HHLA1: variants seen among roughly 807,000 people sequenced by gnomAD.
HHLA1 encodes HHLA1 neighbor of OC90.
A neutral mutation model predicts 69.9 loss-of-function variants in HHLA1; 72 were observed. The ratio of observed to expected loss-of-function variants is 1.03; its 90% CI spans 0.85 to 1.25. HHLA1 has a LOEUF of 1.25. Ranked by LOEUF, HHLA1 falls within the 50% of genes most tolerant of loss-of-function variation. The pLI is 0.00. For missense variants in HHLA1, 685 were observed against 642.2 expected, an observed-to-expected ratio of 1.07 and a Z score of -0.72; for synonymous variants, 252 against 233.2, an observed-to-expected ratio of 1.08 and a Z score of -0.73.
At chr8:132,078,173 CACA>C (rs1823679914) in intron 11 of HHLA1, among the ~76,000 whole-genome samples, 2 of 54,094 alleles carry the variant, frequency 3.7e-5, no homozygotes, top group Non-Finnish European at 5.7e-5. Flanking sequence ...CACCAATAAA[CACA>C]CACACACACA....
chr8:132,100,584 T>A (rs1824095751), intron 3 of HHLA1, among the ~76,000 whole-genome samples: 1 of 152,176 alleles, frequency 6.6e-6, no homozygotes, highest in Non-Finnish European at 1.5e-5. Flanking sequence ...AAAGAAAAAT[T>A]TGAAATTTCA....
chr8:132,076,448 C>T (rs756028931), intron 13 of HHLA1, 27 bp downstream of exon 13: 219 of 628,116 alleles, frequency 3.5e-4, no homozygotes, highest in Non-Finnish European at 5.1e-4. Context: ...CACCCCCAAA[C>T]CCCCACTTCC....
chr8:132,081,568 G>C (rs180906026), intron 10 of HHLA1, among the ~76,000 whole-genome samples: 175 of 152,344 alleles, frequency 1.1e-3, no homozygotes, highest in Non-Finnish European at 1.6e-3. Flanking sequence ...TCTGTTATCA[G>C]ACTGTATTGA....
chr8:132,088,518 G>A lies in HHLA1; in HGVS notation c.533-617C>T, dbSNP rs544070246. ...ATTCCTAAACATACTTTTCCCTGACGATGCTGCCTAAAGAACTGTGGACAT... is the reference window on the plus strand; with the variant it reads ...ATTCCTAAACATACTTTTCCCTGACAATGCTGCCTAAAGAACTGTGGACAT... On this transcript the variant is annotated intron_variant, in intron 8 of 16. Coordinates refer to ENST00000414222, the MANE Select transcript of HHLA1 (RefSeq NM_001145095.3). Among the ~76,000 whole-genome samples the A allele has an allele frequency of 5.9e-5, 9 of 152,244 alleles. No individual in the cohort carries two copies. In the South Asian group the frequency reaches 1.9e-3, roughly 32 times the overall value.
Position 132,063,213 on chromosome 8 carries a change from C to A in HHLA1, c.*782G>T, listed in dbSNP as rs1195685412. On this transcript the variant is annotated 3_prime_UTR_variant, in exon 17 of 17. Coordinates refer to ENST00000414222, the MANE Select transcript of HHLA1 (RefSeq NM_001145095.3). ...GGACTCTCTCTAGAGGTGCCTTTCACATTTGCTGCTTTTCATCTGCATCCT... is the reference window on the plus strand; with the variant it reads ...GGACTCTCTCTAGAGGTGCCTTTCAAATTTGCTGCTTTTCATCTGCATCCT... 6.6e-6 allele frequency: 1 copy of A among 152,228 alleles called. No individual in the cohort carries two copies. Among genetic ancestry groups the A allele is most frequent in the Admixed American group, 6.5e-5 (1 of 15,292 alleles). The allele number at this position is 152,228 out of a possible 1,614,324, so 9.4% of individuals were successfully genotyped here.
Position 132,071,468 on chromosome 8 carries a change from C to T in HHLA1, c.1341G>A (p.Val447=), listed in dbSNP as rs1249305916. 1 of 1,551,470 alleles carries T rather than the reference C, an allele frequency of 6.4e-7. No homozygotes were observed. The highest frequency in any genetic ancestry group is 2.0e-5 in the Admixed American group (1 of 50,982). The stretch of plus-strand genomic sequence containing the variant: ...TGAGAGGAGCAGCTGCCATAGCTCC[C>T]ACCTTGAAGAGTGGCTGAGGACACC... ...VSRCPQPLFK[V]GAMAAAPLTL... Residue 447 remains valine (V), a synonymous_variant, in exon 15 of 17, where the codon GTG becomes GTA. Transcript: ENST00000414222.
intron 1 of HHLA1, among the ~76,000 whole-genome samples, chr8:132,106,509 A>G (rs777150792): frequency 2.0e-4 from 31 of 152,168 alleles, no homozygotes; most frequent in African/African-American, 4.6e-4. Context: ...CTGAATACCA[A>G]TTTTCCTCAT....
chr8:132,089,643 A>C, intron 7 of HHLA1, 44 bp from the exon 8 acceptor site: 1 of 904,422 alleles, frequency 1.1e-6, no homozygotes, highest in South Asian at 1.4e-5. Flanking sequence ...CTTCAGAGAC[A>C]AAAGGAGAAA....
chr8:132,096,582 A>G (rs1181086348), intron 5 of HHLA1, among the ~76,000 whole-genome samples: 1 of 151,902 alleles, frequency 6.6e-6, no homozygotes, highest in Non-Finnish European at 1.5e-5. Context: ...CATCTTATCT[A>G]CTCTCCATCA....
chr8:132,064,612 G>T (rs1180770546), intron 16 of HHLA1, among the ~76,000 whole-genome samples: 1 of 150,944 alleles, frequency 6.6e-6, no homozygotes, highest in Non-Finnish European at 1.5e-5. Context: ...ACTTGCATAA[G>T]AAATAAGGAC....
At chr8:132,097,555 G>T (rs1271368369) in intron 5 of HHLA1, among the ~76,000 whole-genome samples, 1 of 152,186 alleles carries the variant, frequency 6.6e-6, no homozygotes, top group Non-Finnish European at 1.5e-5. Flanking sequence ...TTGAGTTTCT[G>T]CAAAATTTCA....
At chr8:132,092,100 T>C (rs981890679) in intron 7 of HHLA1, among the ~76,000 whole-genome samples, 2 of 152,214 alleles carry the variant, frequency 1.3e-5, no homozygotes, top group Non-Finnish European at 2.9e-5. Context: ...AATGAAATGG[T>C]TTTTTTAAGA....
intron 10 of HHLA1, among the ~76,000 whole-genome samples, chr8:132,087,335 T>C (rs1049807037): frequency 6.6e-6 from 1 of 151,676 alleles, no homozygotes; most frequent in Admixed American, 6.6e-5. Context: ...GTAGTTAATA[T>C]GAGAAAAAAG....
intron 15 of HHLA1, chr8:132,070,305 A>G: frequency 8.5e-6 from 6 of 701,870 alleles, no homozygotes; most frequent in Non-Finnish European, 1.6e-5. Context: ...TCTTAATATA[A>G]AACAGGTTCT....
intron 3 of HHLA1, among the ~76,000 whole-genome samples, chr8:132,103,023 G>A (rs188028870): frequency 6.8e-4 from 104 of 152,152 alleles, no homozygotes; most frequent in African/African-American, 2.5e-3. Flanking sequence ...CATAATAAAA[G>A]CTTTAAAATA....
intron 14 of HHLA1, 39 bp from the exon 15 acceptor site, chr8:132,071,532 G>C (rs1165137079): frequency 6.5e-7 from 1 of 1,541,066 alleles, no homozygotes; most frequent in African/African-American, 1.4e-5. Flanking sequence ...ATCAGTAAGA[G>C]TTTAGTAAGC....
chr8:132,081,904 AG>A (rs1202744528), intron 10 of HHLA1, among the ~76,000 whole-genome samples: 4 of 152,156 alleles, frequency 2.6e-5, no homozygotes, highest in African/African-American at 9.7e-5. Context: ...AGGTTCTAAG[AG>A]GTGGGCTAGT....
chr8:132,105,329 A>T, intron 1 of HHLA1, 43 bp from the exon 2 acceptor site: 1 of 1,208,836 alleles, frequency 8.3e-7, no homozygotes, highest in African/African-American at 1.5e-5. Context: ...AAGCACATGG[A>T]TGCAGACCTT....
Position 132,063,682 on chromosome 8 carries a change from A to G in HHLA1, c.*313T>C, listed in dbSNP as rs1823389861. On this transcript the variant is annotated 3_prime_UTR_variant, in exon 17 of 17. Transcript: ENST00000414222. The stretch of plus-strand genomic sequence containing the variant: ...CATCCCCAGTTTTTAAATTGTCAGG[A>G]TTGCCTCAAGCATTGTAGGAGTTTC... The G allele has an allele frequency of 6.1e-6, 1 of 164,552 alleles. No homozygotes were observed. The highest frequency in any genetic ancestry group is 6.0e-5 in the Admixed American group (1 of 16,758). 10.2% of individuals were successfully genotyped at this position (164,552 alleles called of 1,614,324 possible).
Sources: allele counts gnomAD v4.1 joint callset (sites outside exome capture counted in the v4.1 genomes callset), GRCh38; gene constraint gnomAD v4.1.1; transcripts MANE v1.5; gene names NCBI Gene and HGNC (gene_info 2026-07-23, HGNC 2026-07-21).